Variants in FBXW11 observed in about 807,000 individuals in gnomAD.
FBXW11 encodes the protein F-box and WD repeat domain containing 11.
A neutral mutation model predicts 77.6 loss-of-function variants in FBXW11; 19 were observed. That is an observed-to-expected ratio of 0.24 (90% CI 0.17 to 0.36). The LOEUF (loss-of-function observed/expected upper bound fraction) is 0.36, where lower values mean the gene tolerates loss of function less well. Among genes scored for constraint, FBXW11 ranks in the 10% least tolerant of loss-of-function variants. The pLI, the probability that FBXW11 is intolerant of heterozygous loss-of-function variation, is 1.00. For missense variants in FBXW11, 334 were observed against 704.2 expected, an observed-to-expected ratio of 0.47 and a Z score of 5.95; for synonymous variants, 235 against 249.4, an observed-to-expected ratio of 0.94 and a Z score of 0.54.
chr5:171,888,733 G>A (rs1234693768), intron 7 of FBXW11, among the ~76,000 whole-genome samples: 3 of 152,214 alleles, frequency 2.0e-5, no homozygotes, highest in Non-Finnish European at 4.4e-5. Flanking sequence ...ATGTCAAGCT[G>A]GAGGTTACCC....
At chr5:171,969,391 T>C (rs1010841895) in intron 1 of FBXW11, among the ~76,000 whole-genome samples, 4 of 152,218 alleles carry the variant, frequency 2.6e-5, no homozygotes, top group African/African-American at 9.6e-5. Flanking sequence ...AAATGTATCT[T>C]CTCTCAATAA....
At chr5:171,893,435 A>AAAAAAAAAC (rs1759511182) in intron 6 of FBXW11, among the ~76,000 whole-genome samples, 4 of 147,914 alleles carry the variant, frequency 2.7e-5, no homozygotes, top group African/African-American at 9.9e-5. Context: ...AAAAAAAAAA[A>AAAAAAAAAC]AAAAAAAAAA....
At chr5:171,892,755 A>C (rs1475125149) in intron 6 of FBXW11, among the ~76,000 whole-genome samples, 1 of 152,208 alleles carries the variant, frequency 6.6e-6, no homozygotes, top group Non-Finnish European at 1.5e-5. Context: ...AAGAGTAACT[A>C]AAGTCTGAAT....
At chr5:171,920,149 C>T (rs1232428998) in intron 2 of FBXW11, among the ~76,000 whole-genome samples, 1 of 151,832 alleles carries the variant, frequency 6.6e-6, no homozygotes, top group Non-Finnish European at 1.5e-5. Context: ...GGCAACAGAG[C>T]GAGACTCTGT....
At chr5:171,984,138 A>G (rs923522169) in intron 1 of FBXW11, among the ~76,000 whole-genome samples, 2 of 152,244 alleles carry the variant, frequency 1.3e-5, no homozygotes, top group Non-Finnish European at 2.9e-5. Context: ...GAAAGAGGTC[A>G]GAAAAGGCCT....
chr5:171,974,452 A>T (rs1000999792), intron 1 of FBXW11, among the ~76,000 whole-genome samples: 1 of 151,974 alleles, frequency 6.6e-6, no homozygotes, highest in African/African-American at 2.4e-5. Context: ...AGAAAAAAAA[A>T]AAAATACACA....
At chr5:171,970,179 C>G (rs1017902417) in intron 1 of FBXW11, among the ~76,000 whole-genome samples, 3 of 152,154 alleles carry the variant, frequency 2.0e-5, no homozygotes, top group Non-Finnish European at 4.4e-5. Context: ...ATGTCCCCAC[C>G]CAAATCTCAT....
chr5:171,891,518 T>C lies in FBXW11; in HGVS notation c.801A>G (p.Leu267=), dbSNP rs777359019. The C allele has an allele frequency of 2.2e-5, 36 of 1,610,804 alleles. No individual in the cohort carries two copies. Among genetic ancestry groups the C allele is most frequent in the Admixed American group, 1.8e-4 (11 of 59,616 alleles). The change falls in exon 7 of 14, where the codon TTA becomes TTG. Residue 267 remains leucine (L), a synonymous_variant. Transcript: ENST00000517395. ...TGATAATTTTTTCATCATCGTACTG[T>C]AAACAGTAGACACCTTTACTATTTT... is the stretch of plus-strand genomic sequence containing the variant. ...RSENSKGVYC[L]QYDDEKIISG...
In FBXW11 at chr5:171,900,000, G is replaced by C; in HGVS notation, c.537C>G (p.Ile179Met). Residue 179 changes from isoleucine (I) to methionine (M), a missense_variant, in exon 5 of 14, where the codon ATC becomes ATG. This residue lies in a region of FBXW11 where 56 missense variants were observed against 144.9 expected (regional missense o/e 0.39). Coordinates refer to ENST00000517395, the MANE Select transcript of FBXW11 (RefSeq NM_001378974.1). ...ELVCKEWQRV[I>M]SEGMLWKKLI... ...GCTTCTTCCAAAGCATTCCTTCTGA[G>C]ATCACTCGCTGCCATTCTTTACATA... The C allele has an allele frequency of 6.2e-7, 1 of 1,613,822 alleles. No homozygotes were observed. Among genetic ancestry groups the C allele is most frequent in the Non-Finnish European group, 8.5e-7 (1 of 1,179,788 alleles).
intron 1 of FBXW11, among the ~76,000 whole-genome samples, chr5:171,972,502 TAAAAAAAAAAAA>T (rs70982360): frequency 4.1e-5 from 2 of 48,218 alleles, no homozygotes; most frequent in East Asian, 7.3e-4. Context: ...CTCTGTCTCA[TAAAAAAAAAAAA>T]AAAAAAAAAA....
At chr5:171,922,196 T>C (rs764952067) in intron 2 of FBXW11, among the ~76,000 whole-genome samples, 10 of 152,120 alleles carry the variant, frequency 6.6e-5, no homozygotes, top group Admixed American at 1.3e-4. Flanking sequence ...AAAACTGATA[T>C]AGGTCACAGA....
At position 171,981,488 on chromosome 5, in the gene FBXW11, C is replaced by T. The variant is rs114116560; in HGVS notation, c.46-23790G>A. Among the ~76,000 whole-genome samples, 1,478 of 152,248 alleles carry T rather than the reference C, an allele frequency of 9.7e-3. 26 individuals are homozygous for T. Among genetic ancestry groups the T allele is most frequent in the African/African-American group, 0.034 (1,403 of 41,550 alleles). ...TTGTGACTGGCACCTTAAGTGGGGG[C>T]AGTCTTTTGGTTAATTTAAGGGATC... On this transcript the variant is annotated intron_variant, in intron 1 of 13. Transcript: ENST00000517395.
intron 1 of FBXW11, among the ~76,000 whole-genome samples, chr5:171,974,696 C>T (rs1470279343): frequency 6.6e-6 from 1 of 152,136 alleles, no homozygotes; most frequent in Admixed American, 6.6e-5. Context: ...ATTCACTGCA[C>T]TTCAGCCTGG....
At chr5:171,877,548 A>G (rs537773820) in intron 8 of FBXW11, among the ~76,000 whole-genome samples, 1 of 152,020 alleles carries the variant, frequency 6.6e-6, no homozygotes, top group Non-Finnish European at 1.5e-5. Context: ...CATAGGGCAG[A>G]GGGGGAAAGA....
At chr5:171,914,455 C>G (rs994155136) in intron 2 of FBXW11, 50 bp from the exon 3 acceptor site, 1 of 1,441,854 alleles carries the variant, frequency 6.9e-7, no homozygotes, top group Admixed American at 2.6e-5. Context: ...TTTGCAAATC[C>G]TAAATAACTA....
intron 1 of FBXW11, among the ~76,000 whole-genome samples, chr5:172,003,838 A>G (rs1370683676): frequency 6.6e-6 from 1 of 152,250 alleles, no homozygotes; most frequent in African/African-American, 2.4e-5. Flanking sequence ...AAGATTAGAA[A>G]ATGGAGATAA....
intron 1 of FBXW11, among the ~76,000 whole-genome samples, chr5:172,002,598 G>A (rs560053572): frequency 2.7e-5 from 4 of 147,464 alleles, no homozygotes; most frequent in Non-Finnish European, 4.5e-5. Context: ...CACTCACCCC[G>A]AGAAAGTCAA....
At chr5:171,880,369 G>A (rs1380004292) in intron 7 of FBXW11, among the ~76,000 whole-genome samples, 2 of 152,134 alleles carry the variant, frequency 1.3e-5, no homozygotes, top group African/African-American at 4.8e-5. Context: ...CTTCAAGTAG[G>A]GTAGTGTTAG....
intron 9 of FBXW11, among the ~76,000 whole-genome samples, chr5:171,875,250 T>TA (rs55689036): frequency 0.064 from 9,502 of 147,500 alleles, 1,069 homozygotes; most frequent in African/African-American, 0.24. Flanking sequence ...TCTGTACTTT[T>TA]AAAAAAAAAA....
Sources: allele counts gnomAD v4.1 joint callset (sites outside exome capture counted in the v4.1 genomes callset), GRCh38; gene constraint gnomAD v4.1.1; regional missense constraint gnomAD v4.1.1; transcripts MANE v1.5; gene names NCBI Gene and HGNC (gene_info 2026-07-23, HGNC 2026-07-21).